The following TSPAN9 variants were observed in gnomAD, a reference collection of about 807,000 sequenced individuals.
TSPAN9 encodes tetraspanin 9.
TSPAN9 carries 16 observed loss-of-function variants against 31.0 expected under a neutral mutation model. The observed-to-expected ratio is 0.52, with a 90% CI of 0.35 to 0.78. The LOEUF (loss-of-function observed/expected upper bound fraction) is 0.78. Ranked by LOEUF, TSPAN9 falls within the 30% of genes least tolerant of loss-of-function variation. The pLI, the probability that TSPAN9 is intolerant of heterozygous loss-of-function variation, is 0.01. For synonymous variants in TSPAN9, 145 were observed against 121.6 expected (o/e 1.19, Z -1.27); for missense variants, 272 against 312.5 (o/e 0.87, Z 0.98).
chr12:3,237,844 G>A (rs1177653736), intron 3 of TSPAN9, among the ~76,000 whole-genome samples: 1 of 152,148 alleles, frequency 6.6e-6, no homozygotes, highest in East Asian at 1.9e-4. Flanking sequence ...CTGCGAAAGG[G>A]CATTGCCACC....
chr12:3,196,386 AG>A (rs2098367103), intron 2 of TSPAN9, among the ~76,000 whole-genome samples: 1 of 152,184 alleles, frequency 6.6e-6, no homozygotes, highest in Admixed American at 6.5e-5. Flanking sequence ...ATGATATTTC[AG>A]GTTCCCCGTT....
intron 2 of TSPAN9, among the ~76,000 whole-genome samples, chr12:3,091,409 GA>G (rs989396378): frequency 6.6e-6 from 1 of 152,148 alleles, no homozygotes; most frequent in Non-Finnish European, 1.5e-5. Flanking sequence ...CCCTTCCTGT[GA>G]AATGTCACCA....
chr12:3,201,004 C>T, intron 2 of TSPAN9, 173 bp from the exon 3 acceptor site: 1 of 605,766 alleles, frequency 1.7e-6, no homozygotes, highest in South Asian at 2.0e-5. Flanking sequence ...CCAAGCCGTC[C>T]ACCTCCGGCC....
chr12:3,252,943 A>G (rs678112), intron 3 of TSPAN9, among the ~76,000 whole-genome samples: 150,882 of 152,224 alleles, frequency 0.99, 74,795 homozygotes, highest in Middle Eastern at 1. Flanking sequence ...ACGATTGCAC[A>G]GCAGGCCCTA....
At chr12:3,157,240 C>T (rs1000119236) in intron 2 of TSPAN9, among the ~76,000 whole-genome samples, 6 of 152,028 alleles carry the variant, frequency 3.9e-5, no homozygotes, top group South Asian at 4.1e-4. Flanking sequence ...GCTGGGACTA[C>T]GGGTGCCCGC....
chr12:3,256,435 G>A (rs1292230568), intron 3 of TSPAN9, among the ~76,000 whole-genome samples: 7 of 152,236 alleles, frequency 4.6e-5, no homozygotes, highest in African/African-American at 9.6e-5. Flanking sequence ...CAGGCCTGGC[G>A]CCGGGCACCA....
chr12:3,130,958 G>A (rs147328617), intron 2 of TSPAN9, among the ~76,000 whole-genome samples: 139 of 152,234 alleles, frequency 9.1e-4, no homozygotes, highest in Middle Eastern at 6.8e-3. Context: ...TAGCCGCATC[G>A]GATTTCAAGG....
Position 3,217,852 on chromosome 12 carries a change from C to A in TSPAN9, c.63+16596C>A, listed in dbSNP as rs142224938. Among the ~76,000 whole-genome samples the A allele has an allele frequency of 4.0e-4, 61 of 152,054 alleles. No homozygotes were observed. In the East Asian group the frequency reaches 7.2e-3, roughly 18 times the overall value. Reference sequence around the variant, plus strand: ...TGGGTGAGCTTGCTTCTCGGTGTCACCACTTCCTGTGTGTACAGTACAGAG... The same window carrying A: ...TGGGTGAGCTTGCTTCTCGGTGTCAACACTTCCTGTGTGTACAGTACAGAG... On this transcript the variant is annotated intron_variant, in intron 3 of 8. Coordinates refer to ENST00000011898, the MANE Select transcript of TSPAN9 (RefSeq NM_006675.5).
intron 3 of TSPAN9, among the ~76,000 whole-genome samples, chr12:3,234,016 G>A (rs752307889): frequency 6.6e-5 from 10 of 152,160 alleles, no homozygotes; most frequent in African/African-American, 9.7e-5. Flanking sequence ...TACACAGAGC[G>A]GGGATGAATG....
chr12:3,282,251 C>T (rs914534675), intron 8 of TSPAN9: 19 of 545,382 alleles, frequency 3.5e-5, no homozygotes, highest in Non-Finnish European at 3.3e-5. Context: ...GTCCCCGGCT[C>T]CTTTGAGGAT....
At chr12:3,218,251 A>C (rs1049918373) in intron 3 of TSPAN9, among the ~76,000 whole-genome samples, 4 of 152,164 alleles carry the variant, frequency 2.6e-5, no homozygotes, top group African/African-American at 9.7e-5. Context: ...TCCTCGGGGC[A>C]GGGAGCAAAG....
intron 2 of TSPAN9, among the ~76,000 whole-genome samples, chr12:3,144,047 G>A (rs958047415): frequency 3.9e-5 from 6 of 151,972 alleles, no homozygotes; most frequent in African/African-American, 1.5e-4. Flanking sequence ...GTTTATTTGT[G>A]TTTATATTTA....
intron 2 of TSPAN9, chr12:3,149,719 G>C (rs1328290663): frequency 6.6e-6 from 1 of 152,212 alleles, no homozygotes; most frequent in East Asian, 1.9e-4. Flanking sequence ...AGTGATTCAA[G>C]ACCTGGCTTG....
At chr12:3,196,338 C>A (rs7977968) in intron 2 of TSPAN9, among the ~76,000 whole-genome samples, 57,748 of 151,990 alleles carry the variant, frequency 0.38, 11,621 homozygotes, top group African/African-American at 0.53. Flanking sequence ...ACTGCCCCTT[C>A]CTCAGGGTCC....
intron 3 of TSPAN9, among the ~76,000 whole-genome samples, chr12:3,202,972 G>A (rs1412293050): frequency 6.6e-6 from 1 of 152,182 alleles, no homozygotes; most frequent in Non-Finnish European, 1.5e-5. Flanking sequence ...GTGCTTCCCT[G>A]GTGCCTTTGG....
chr12:3,183,402 G>A (rs567300301), intron 2 of TSPAN9, among the ~76,000 whole-genome samples: 1 of 152,302 alleles, frequency 6.6e-6, no homozygotes, highest in South Asian at 2.1e-4. Flanking sequence ...TTGGCGATTA[G>A]GTGCAAATGT....
At chr12:3,237,928 C>G (rs1480822559) in intron 3 of TSPAN9, among the ~76,000 whole-genome samples, 1 of 152,172 alleles carries the variant, frequency 6.6e-6, no homozygotes, top group East Asian at 1.9e-4. Flanking sequence ...ACTCAGCATA[C>G]ATTTGCTGCA....
At chr12:3,278,400 T>C (rs1434905977) in intron 3 of TSPAN9, 21 bp from the exon 4 acceptor site, 1 of 1,613,274 alleles carries the variant, frequency 6.2e-7, no homozygotes, top group Non-Finnish European at 8.5e-7. Context: ...GCCAGGCTAA[T>C]GGGCTTTCCT....
At chr12:3,134,647 C>T (rs2098331255) in intron 2 of TSPAN9, among the ~76,000 whole-genome samples, 1 of 152,176 alleles carries the variant, frequency 6.6e-6, no homozygotes, top group South Asian at 2.1e-4. Flanking sequence ...GGGACAGTGG[C>T]ATGGCCGATG....
Sources: gnomAD v4.1 joint callset for allele counts (sites outside exome capture counted in the v4.1 genomes callset) on GRCh38, gnomAD v4.1.1 for gene constraint, MANE v1.5 for transcripts, NCBI Gene and HGNC (gene_info 2026-07-23, HGNC 2026-07-21) for gene names.